TCEAL9: variants seen among roughly 807,000 people sequenced by gnomAD.
TCEAL9 encodes the protein transcription elongation factor A protein-like 9.
TCEAL9 carries 2 observed loss-of-function variants against 5.2 expected under a neutral mutation model. That is an observed-to-expected ratio of 0.38 (90% CI 0.16 to 1.21). The LOEUF (loss-of-function observed/expected upper bound fraction) is 1.21. Ranked by LOEUF, TCEAL9 falls within the 50% of genes most tolerant of loss-of-function variation. The pLI, the probability that TCEAL9 is intolerant of heterozygous loss-of-function variation, is 0.35. For missense variants in TCEAL9, 76 were observed against 74.2 expected (o/e 1.02, Z -0.09); for synonymous variants, 26 against 22.3 (o/e 1.17, Z -0.47).
chrX:103,357,468 G>A (rs893381128), intron 2 of TCEAL9, 147 bp from the exon 3 acceptor site: 5 of 400,481 alleles, frequency 1.2e-5, no homozygotes, highest in Non-Finnish European at 2.1e-5. Flanking sequence ...AGTGGGGATA[G>A]TGAAGCTCTG....
rs1926933394 is a variant in TCEAL9 at position 103,358,349 on chromosome X, C to T, written c.*350C>T. On this transcript the variant is annotated 3_prime_UTR_variant, in exon 3 of 3. Transcript: ENST00000372661. ...TGAAGGATGAAAGAAAGTACAGCCT[C>T]TCGGTGGTGGGATTATGAATGATTT... 1 of 131,720 alleles carries T rather than the reference C, an allele frequency of 7.6e-6. No individual in the cohort carries two copies. Among genetic ancestry groups the T allele is most frequent in the Non-Finnish European group, 1.6e-5 (1 of 60,866 alleles). The allele number at this position is 131,720 out of a possible 1,213,427, so 10.9% of individuals were successfully genotyped here. A position where few individuals can be genotyped will look rare whatever the true frequency, so the allele number is the denominator to read the frequency against.
In TCEAL9 at chrX:103,357,641, G is replaced by A; in HGVS notation, c.-44G>A. 8.8e-7 allele frequency: 1 copy of A among 1,135,594 alleles called. No homozygotes were observed. Among genetic ancestry groups the A allele is most frequent in the Non-Finnish European group, 1.2e-6 (1 of 862,215 alleles). 93.6% of individuals were successfully genotyped at this position (1,135,594 alleles called of 1,213,427 possible). A position where few individuals can be genotyped will look rare whatever the true frequency, so the allele number is the denominator to read the frequency against. On this transcript the variant is annotated 5_prime_UTR_variant, in exon 3 of 3. Coordinates refer to ENST00000372661, the MANE Select transcript of TCEAL9 (RefSeq NM_016303.3). Reference sequence around the variant, plus strand: ...AGTCATTGTATTCAAAGAAGAATAAGCAAGAAAGAAAAGAAGGAAGGAAGA... The same window carrying A: ...AGTCATTGTATTCAAAGAAGAATAAACAAGAAAGAAAAGAAGGAAGGAAGA...
intron 1 of TCEAL9, 54 bp downstream of exon 1, chrX:103,356,660 G>A (rs2147703925): frequency 9.0e-6 from 1 of 110,622 alleles, no homozygotes; most frequent in Admixed American, 9.7e-5. Flanking sequence ...GGGGTTTAAG[G>A]CAGAGACTTG....
In TCEAL9 at chrX:103,357,841, C is replaced by T; in HGVS notation, c.157C>T (p.Leu53Phe). 1 of 1,211,552 alleles carries T rather than the reference C, an allele frequency of 8.3e-7. No homozygotes were observed. The highest frequency in any genetic ancestry group is 1.1e-6 in the Non-Finnish European group (1 of 895,517). ...TTTTAGAGAAAGGCTGATTCAATCT[C>T]TCCAGGAGTTTAAAGAAGATATACA... ...GTFRERLIQS[L>F]QEFKEDIHNR... Residue 53 changes from leucine to phenylalanine, a missense_variant, in exon 3 of 3, where the codon CTC (leucine) becomes TTC (phenylalanine). Leu to Phe is a conservative substitution (Grantham distance 22, BLOSUM62 0). Transcript: ENST00000372661.
intron 2 of TCEAL9, 141 bp from the exon 3 acceptor site, chrX:103,357,474 C>A: frequency 2.4e-6 from 1 of 414,895 alleles, no homozygotes; most frequent in East Asian, 4.3e-5. Flanking sequence ...GATAGTGAAG[C>A]TCTGATTGCT....
intron 2 of TCEAL9, 24 bp downstream of exon 2, chrX:103,357,185 G>A (rs1157523736): frequency 8.9e-6 from 1 of 112,781 alleles, no homozygotes; most frequent in Non-Finnish European, 1.8e-5. Context: ...ATATTATAAA[G>A]TCTCCTGGGG....
At position 103,358,070 on chromosome X, in the gene TCEAL9, C is replaced by G; in HGVS notation, c.*71C>G. The G allele has an allele frequency of 2.1e-6, 2 of 953,462 alleles. No individual in the cohort carries two copies. The highest frequency in any genetic ancestry group is 5.2e-5 in the South Asian group (2 of 38,422). The allele number at this position is 953,462 out of a possible 1,213,427, so 78.6% of individuals were successfully genotyped here. A position where few individuals can be genotyped will look rare whatever the true frequency, so the allele number is the denominator to read the frequency against. On this transcript the variant is annotated 3_prime_UTR_variant, in exon 3 of 3. Coordinates refer to ENST00000372661, the MANE Select transcript of TCEAL9 (RefSeq NM_016303.3). ...TTTTTATTAGCATTTCCTGATATTC[C>G]TTTGTCCATATTTCTACTTATAACC...
At chrX:103,357,568 G>A in intron 2 of TCEAL9, 47 bp from the exon 3 acceptor site, 2 of 973,592 alleles carry the variant, frequency 2.1e-6, no homozygotes, top group East Asian at 3.4e-5. Context: ...CACAGCACCT[G>A]TCCACTCACC....
Position 103,358,225 on chromosome X carries a change from G to C in TCEAL9, c.*226G>C, listed in dbSNP as rs962117631. On this transcript the variant is annotated 3_prime_UTR_variant, in exon 3 of 3. Transcript: ENST00000372661. The stretch of plus-strand genomic sequence containing the variant: ...ACACATTTGTAAAAAAGAGGTTCTT[G>C]GTAAGATATAAAATGGAAAAAGGCT... 3.4e-6 allele frequency: 1 copy of C among 293,802 alleles called. No homozygotes were observed. The allele number at this position is 293,802 out of a possible 1,213,427, so 24.2% of individuals were successfully genotyped here.
In TCEAL9 at chrX:103,358,006, T is replaced by C. The variant is rs775047517; in HGVS notation, c.*7T>C. ...TTACCCCTATTTAATGTAGTTTACC[T>C]TGATTTTTATCTGATATTAACAATA... On this transcript the variant is annotated 3_prime_UTR_variant, in exon 3 of 3. Transcript: ENST00000372661. The C allele has an allele frequency of 8.4e-7, 1 of 1,183,950 alleles. No individual in the cohort carries two copies. The highest frequency in any genetic ancestry group is 1.8e-5 in the African/African-American group (1 of 56,484).
Position 103,357,929 on chromosome X carries a change from G to C in TCEAL9, c.245G>C (p.Arg82Thr). 1 of 1,211,894 alleles carries C rather than the reference G, an allele frequency of 8.3e-7. No homozygotes were observed. Among genetic ancestry groups the C allele is most frequent in the Non-Finnish European group, 1.1e-6 (1 of 895,548 alleles). Residue 82 changes from arginine to threonine, a missense_variant, in exon 3 of 3, where the codon AGA becomes ACA. By Grantham distance (71) the Arg-to-Thr change is moderately conservative (BLOSUM62 -1). Transcript: ENST00000372661. ...REVDEIDEIR[R>T]VRNKLIVMRW... ...GTGGATGAAATAGATGAGATAAGGA[G>C]AGTCAGAAACAAACTTATAGTGATG...
In TCEAL9 at chrX:103,358,120, T is replaced by G; in HGVS notation, c.*121T>G. Reference sequence around the variant, plus strand: ...CTGTTGCTATTAATGGTTTTAGATGTATCTCTTGTTATCTGCATCTCATTG... The same window carrying G: ...CTGTTGCTATTAATGGTTTTAGATGGATCTCTTGTTATCTGCATCTCATTG... On this transcript the variant is annotated 3_prime_UTR_variant, in exon 3 of 3. Transcript: ENST00000372661. 1 of 538,377 alleles carries G rather than the reference T, an allele frequency of 1.9e-6. No individual in the cohort carries two copies. The highest frequency in any genetic ancestry group is 2.9e-6 in the Non-Finnish European group (1 of 349,435). 44.4% of individuals were successfully genotyped at this position (538,377 alleles called of 1,213,427 possible). A position where few individuals can be genotyped will look rare whatever the true frequency, so the allele number is the denominator to read the frequency against.
In TCEAL9 at chrX:103,357,693, C is replaced by T. The variant is rs1414069524; in HGVS notation, c.9C>T (p.Ser3=). MK[S]CQKMEGKPEN... The stretch of plus-strand genomic sequence containing the variant: ...AGGTAGACAGATACAAGATGAAATC[C>T]TGTCAAAAAATGGAAGGAAAACCAG... The change falls in exon 3 of 3, where the codon TCC becomes TCT. Residue 3 remains serine, a synonymous_variant. Transcript: ENST00000372661. 14 of 1,199,403 alleles carry T rather than the reference C, an allele frequency of 1.2e-5. No individual in the cohort carries two copies. Among genetic ancestry groups the T allele is most frequent in the African/African-American group, 7.1e-5 (4 of 56,298 alleles).
Position 103,357,813 on chromosome X carries a change from A to T in TCEAL9, c.129A>T (p.Gly43=). ...TAGAGGAGGAGGCCAAAGCAAAAGG[A>T]ACTTTTAGAGAAAGGCTGATTCAAT... is the stretch of plus-strand genomic sequence containing the variant. ...EKLEEEAKAK[G]TFRERLIQSL... is the part of the protein sequence containing the mutation. Residue 43 remains glycine (G), a synonymous_variant, in exon 3 of 3, where the codon GGA becomes GGT. Coordinates refer to ENST00000372661, the MANE Select transcript of TCEAL9 (RefSeq NM_016303.3). The T allele has an allele frequency of 5.0e-6, 6 of 1,211,895 alleles. No homozygotes were observed. Among genetic ancestry groups the T allele is most frequent in the Non-Finnish European group, 6.7e-6 (6 of 895,585 alleles).
At chrX:103,356,832 C>T (rs1277928438) in intron 1 of TCEAL9, 2 of 110,910 alleles carry the variant, frequency 1.8e-5, no homozygotes, top group Non-Finnish European at 3.8e-5. Context: ...TTCCGGACCC[C>T]CACCCTCCTC....
Position 103,357,887 on chromosome X carries a change from A to T in TCEAL9, c.203A>T (p.Glu68Val). 8.3e-7 allele frequency: 1 copy of T among 1,212,004 alleles called. No homozygotes were observed. The highest frequency in any genetic ancestry group is 2.3e-4 in the Middle Eastern group (1 of 4,349). The change falls in exon 3 of 3, where the codon GAA (glutamate) becomes GTA (valine). Residue 68 changes from glutamate (E) to valine (V), a missense_variant. Transcript: ENST00000372661. The stretch of plus-strand genomic sequence containing the variant: ...ATACACAACAGGCATTTAAGCAATG[A>T]AGATATGTTTAGAGAAGTGGATGAA... ...EDIHNRHLSN[E>V]DMFREVDEID...
intron 2 of TCEAL9, 116 bp from the exon 3 acceptor site, chrX:103,357,499 G>GAC (rs1926904281): frequency 3.9e-6 from 2 of 518,595 alleles, no homozygotes; most frequent in African/African-American, 4.8e-5. Flanking sequence ...GGGCTTCTTA[G>GAC]GTGGAAGATA....
Position 103,357,658 on chromosome X carries a change from G to A in TCEAL9, c.-27G>A. 1 of 1,157,202 alleles carries A rather than the reference G, an allele frequency of 8.6e-7. No homozygotes were observed. The highest frequency in any genetic ancestry group is 1.1e-6 in the Non-Finnish European group (1 of 872,660). ...AAGAATAAGCAAGAAAGAAAAGAAG[G>A]AAGGAAGAGAGGTAGACAGATACAA... On this transcript the variant is annotated 5_prime_UTR_variant, in exon 3 of 3. Coordinates refer to ENST00000372661, the MANE Select transcript of TCEAL9 (RefSeq NM_016303.3).
chrX:103,357,644 A>G lies in TCEAL9; in HGVS notation c.-41A>G, dbSNP rs371454325. The G allele has an allele frequency of 5.3e-6, 6 of 1,137,543 alleles. No individual in the cohort carries two copies. The South Asian group carries it at 8.6e-5, about 16-fold the overall frequency. The allele number at this position is 1,137,543 out of a possible 1,213,427, so 93.7% of individuals were successfully genotyped here. On this transcript the variant is annotated 5_prime_UTR_variant, in exon 3 of 3. Transcript: ENST00000372661. ...CATTGTATTCAAAGAAGAATAAGCAAGAAAGAAAAGAAGGAAGGAAGAGAG... is the reference window on the plus strand; with the variant it reads ...CATTGTATTCAAAGAAGAATAAGCAGGAAAGAAAAGAAGGAAGGAAGAGAG...
Sources: allele counts gnomAD v4.1 joint callset, GRCh38; gene constraint gnomAD v4.1.1; transcripts MANE v1.5; gene names NCBI Gene and HGNC (gene_info 2026-07-23, HGNC 2026-07-21).